The following FGFR1 variants were observed in gnomAD, a reference collection of about 807,000 sequenced individuals.
FGFR1 encodes the protein FGFR1/PLAG1 fusion.
FGFR1 carries 18 observed loss-of-function variants against 93.7 expected under a neutral mutation model. The ratio of observed to expected loss-of-function variants is 0.19; its 90% CI spans 0.13 to 0.28. The LOEUF is 0.28. Ranked by LOEUF, FGFR1 falls within the 10% of genes least tolerant of loss-of-function variation. The pLI is 1.00. For synonymous variants in FGFR1, 448 were observed against 429.3 expected (o/e 1.04, Z -0.54); for missense variants, 731 against 1,080.4 (o/e 0.68, Z 4.53).
intron 1 of FGFR1, among the ~76,000 whole-genome samples, chr8:38,460,227 A>G (rs1834055716): frequency 6.6e-6 from 1 of 152,186 alleles, no homozygotes; most frequent in Admixed American, 6.5e-5. Flanking sequence ...CAGACCACAG[A>G]TGGGCCATCT....
Position 38,417,934 on chromosome 8 carries a change from C to T in FGFR1, c.1488G>A (p.Glu496=). The T allele has an allele frequency of 6.2e-7, 1 of 1,614,230 alleles. No homozygotes were observed. The highest frequency in any genetic ancestry group is 8.5e-7 in the Non-Finnish European group (1 of 1,180,036). ...EGCFGQVVLA[E]AIGLDKDKPN... is the part of the protein sequence containing the mutation. ...GTTTGTCCTTGTCCAGCCCGATAGC[C>T]TCTGCCAACACCACCTGCCCAAAGC... The change falls in exon 11 of 18, where the codon GAG becomes GAA. Residue 496 remains glutamate (E), a synonymous_variant. Transcript: ENST00000447712.
chr8:38,463,467 T>C (rs1834860408), intron 1 of FGFR1: 1 of 212,354 alleles, frequency 4.7e-6, no homozygotes, highest in East Asian at 7.0e-5. Context: ...ATTTATGTTC[T>C]TCATTCTCTT....
In FGFR1 at chr8:38,418,231, T is replaced by C; in HGVS notation, c.1427A>G (p.Asp476Gly). 8.7e-6 allele frequency: 14 copies of C among 1,614,158 alleles called. No homozygotes were observed. Among genetic ancestry groups the C allele is most frequent in the Non-Finnish European group, 1.1e-5 (13 of 1,180,022 alleles). Residue 476 changes from aspartate to glycine, a missense_variant, in exon 10 of 18, where the codon GAC becomes GGC. Around this residue, in one of 10 missense-constraint regions of FGFR1, gnomAD observed 146 missense variants for 173.0 expected, o/e 0.84. Coordinates refer to ENST00000447712, the MANE Select transcript of FGFR1 (RefSeq NM_023110.3). ...PEDPRWELPR[D>G]RLVLGKPLGE... Reference sequence around the variant, plus strand: ...TTGGGAGTCAAAGTATTATTACCTGTCCCGAGGCAGCTCCCAGCGAGGGTC... The same window carrying C: ...TTGGGAGTCAAAGTATTATTACCTGCCCCGAGGCAGCTCCCAGCGAGGGTC...
chr8:38,441,107 G>A (rs1052138279), intron 2 of FGFR1, among the ~76,000 whole-genome samples: 5 of 149,954 alleles, frequency 3.3e-5, no homozygotes, highest in Admixed American at 2.7e-4. Flanking sequence ...AGCAAGACAC[G>A]TGTAGAATCC....
At chr8:38,450,382 A>G (rs1431082792) in intron 2 of FGFR1, among the ~76,000 whole-genome samples, 4 of 152,168 alleles carry the variant, frequency 2.6e-5, no homozygotes, top group African/African-American at 9.7e-5. Context: ...CTACAGGGTG[A>G]GCTGGAGCCC....
At chr8:38,441,423 C>G (rs892159652) in intron 2 of FGFR1, among the ~76,000 whole-genome samples, 1 of 152,150 alleles carries the variant, frequency 6.6e-6, no homozygotes, top group East Asian at 1.9e-4. Context: ...GGAATGCACC[C>G]AAGAGTTGTC....
rs2150549553 is a variant in FGFR1, at chr8:38,414,581, T to A, written c.2026A>T (p.Ile676Phe). 6.2e-7 allele frequency: 1 copy of A among 1,613,944 alleles called. No homozygotes were observed. ...CACACATCACTCTGGTGGGTGTAGA[T>A]CCGGTCAAATAATGCCTCGGGTGCC... is the stretch of plus-strand genomic sequence containing the variant. ...WMAPEALFDR[I>F]YTHQSDVWSF... Residue 676 changes from isoleucine to phenylalanine, a missense_variant, in exon 15 of 18, where the codon ATC (isoleucine) becomes TTC (phenylalanine). By Grantham distance (21) the Ile-to-Phe change is conservative. Transcript: ENST00000447712.
In FGFR1 at chr8:38,424,914, CA is replaced by C. The variant is rs1394521523; in HGVS notation, c.746-216del. Among the ~76,000 whole-genome samples the C allele has an allele frequency of 6.6e-6, 1 of 152,212 alleles. No homozygotes were observed. Among genetic ancestry groups the C allele is most frequent in the Non-Finnish European group, 1.5e-5 (1 of 68,038 alleles). ...GGATCCTCCTCCCCAAGGCAGTCATCATATTTACAGTCACAGTAAGTCGCTC... is the reference window on the plus strand; with the variant it reads ...GGATCCTCCTCCCCAAGGCAGTCATCTATTTACAGTCACAGTAAGTCGCTC... On this transcript the variant is annotated intron_variant, in intron 6 of 17. Transcript: ENST00000447712. This position sits in a 1 kb window ranked among gnomAD's most constrained non-coding sequence, Gnocchi z 4.3.
At position 38,413,751 on chromosome 8, in the gene FGFR1, G is replaced by A. The variant is rs574034006; in HGVS notation, c.2346C>T (p.Asp782=). 56 of 1,614,178 alleles carry A rather than the reference G, an allele frequency of 3.5e-5. 1 individual carries two copies. In the South Asian group the frequency reaches 6.1e-4, roughly 18 times the overall value. ...PLDQYSPSFP[D]TRSSTCSSGE... Reference sequence around the variant, plus strand: ...CTGAGGAGCACGTAGAGCTCCGGGTGTCGGGAAAGCTGGGGGAGTACTGGT... The same window carrying A: ...CTGAGGAGCACGTAGAGCTCCGGGTATCGGGAAAGCTGGGGGAGTACTGGT... The change falls in exon 18 of 18, where the codon GAC becomes GAT. Residue 782 remains aspartate, a synonymous_variant. Transcript: ENST00000447712. This position sits in a 1 kb window ranked among gnomAD's most constrained non-coding sequence, Gnocchi z 4.2.
rs886062916 is a variant in FGFR1 at position 38,413,510 on chromosome 8, G to A, written c.*118C>T. 3 of 1,200,634 alleles carry A rather than the reference G, an allele frequency of 2.5e-6. No individual in the cohort carries two copies. The highest frequency in any genetic ancestry group is 3.5e-6 in the Non-Finnish European group (3 of 860,858). The allele number at this position is 1,200,634 out of a possible 1,614,324, so 74.4% of individuals were successfully genotyped here. ...GGCCACACAGGAAGGCCCCTGGTAG[G>A]CAGCCGGCTCCTGCCAGCAGGAAAG... On this transcript the variant is annotated 3_prime_UTR_variant, in exon 18 of 18. Transcript: ENST00000447712. The surrounding 1 kb of genome is among the most constrained non-coding windows in gnomAD (Gnocchi z 4.2).
intron 2 of FGFR1, among the ~76,000 whole-genome samples, chr8:38,446,616 T>C (rs1829378477): frequency 6.6e-6 from 1 of 152,102 alleles, no homozygotes; most frequent in South Asian, 2.1e-4. Flanking sequence ...GTTTATGCCA[T>C]GTTGCCCAAG....
At chr8:38,431,263 C>A (rs1169162703) in intron 2 of FGFR1, among the ~76,000 whole-genome samples, 1 of 152,188 alleles carries the variant, frequency 6.6e-6, no homozygotes, top group Non-Finnish European at 1.5e-5. Flanking sequence ...CTCAGCCTAG[C>A]TGGTGACTTC....
intron 2 of FGFR1, among the ~76,000 whole-genome samples, chr8:38,438,542 C>CAA (rs544625250): frequency 2.5e-4 from 19 of 76,330 alleles, no homozygotes; most frequent in African/African-American, 4.8e-4. Flanking sequence ...GACTCCGTCT[C>CAA]AAAAAAAAAA....
intron 2 of FGFR1, among the ~76,000 whole-genome samples, chr8:38,438,014 A>T (rs1399272244): frequency 2.6e-5 from 4 of 152,150 alleles, no homozygotes; most frequent in Non-Finnish European, 4.4e-5. Context: ...AGGGATCCAT[A>T]AACATCTGAG....
chr8:38,451,694 G>A (rs1045327406), intron 2 of FGFR1, among the ~76,000 whole-genome samples: 6 of 152,176 alleles, frequency 3.9e-5, no homozygotes, highest in Admixed American at 2.6e-4. Context: ...TGGGTGGGAG[G>A]AGCTGTAAAA....
intron 2 of FGFR1, among the ~76,000 whole-genome samples, chr8:38,437,857 G>T (rs1207640875): frequency 1.3e-5 from 2 of 152,170 alleles, no homozygotes; most frequent in Non-Finnish European, 2.9e-5. Flanking sequence ...TTGAAATACC[G>T]CTTCACCAGC....
At chr8:38,461,869 T>C (rs1417223490) in intron 1 of FGFR1, among the ~76,000 whole-genome samples, 4 of 152,206 alleles carry the variant, frequency 2.6e-5, no homozygotes, top group Non-Finnish European at 4.4e-5. Flanking sequence ...TAATTCTCTT[T>C]GTGTAGTGCT....
In FGFR1 at chr8:38,417,933, C is replaced by T. The variant is rs938924493; in HGVS notation, c.1489G>A (p.Ala497Thr). ...GGTTTGTCCTTGTCCAGCCCGATAG[C>T]CTCTGCCAACACCACCTGCCCAAAG... ...GCFGQVVLAE[A>T]IGLDKDKPNR... is the part of the protein sequence containing the mutation. Residue 497 changes from alanine to threonine, a missense_variant, in exon 11 of 18, where the codon GCT becomes ACT. Physicochemically the swap from Ala to Thr is moderately conservative, Grantham distance 58. This residue lies in a region of FGFR1 where 5 missense variants were observed against 21.8 expected (regional missense o/e 0.23). Transcript: ENST00000447712. The T allele has an allele frequency of 6.2e-7, 1 of 1,614,060 alleles. No homozygotes were observed. Among genetic ancestry groups the T allele is most frequent in the South Asian group, 1.1e-5 (1 of 91,086 alleles).
intron 2 of FGFR1, among the ~76,000 whole-genome samples, chr8:38,445,421 C>A (rs1458435175): frequency 6.6e-6 from 1 of 152,156 alleles, no homozygotes; most frequent in Admixed American, 6.6e-5. Flanking sequence ...ATGAGAATGG[C>A]TAGGCCAATA....
Sources: gnomAD v4.1 joint callset for allele counts (sites outside exome capture counted in the v4.1 genomes callset) on GRCh38, gnomAD v4.1.1 for gene constraint, gnomAD v4.1.1 regional missense constraint, Gnocchi (gnomAD v3.1) non-coding constraint, MANE v1.5 for transcripts, NCBI Gene and HGNC (gene_info 2026-07-23, HGNC 2026-07-21) for gene names.